Variants in AIDA observed in about 807,000 individuals in gnomAD.
AIDA encodes the protein axin interactor, dorsalization-associated protein.
In AIDA, 18 loss-of-function variants were observed where a neutral mutation model predicts 42.7. The observed-to-expected ratio is 0.42, with a 90% CI of 0.29 to 0.63. The LOEUF is 0.63. Ranked by LOEUF, AIDA falls within the 20% of genes least tolerant of loss-of-function variation. The probability of loss-of-function intolerance (pLI) is 0.19; values close to 1 mark genes in which losing one functional copy is unlikely to be tolerated. For synonymous variants in AIDA, 104 were observed against 122.9 expected (o/e 0.85, Z 1.02); for missense variants, 250 against 354.1 (o/e 0.71, Z 2.36).
At position 222,701,697 on chromosome 1, in the gene AIDA, G is replaced by GA. The variant is rs201712880; in HGVS notation, c.180+1450dup. ...TATTGTGTATATTAGGAGCTACTAA[G>GA]AAAAAAAAATATTCTTTTTTTAAAA... On this transcript the variant is annotated intron_variant, in intron 2 of 9. Transcript: ENST00000340020. Among the ~76,000 whole-genome samples the GA allele has an allele frequency of 1.7e-4, 25 of 151,200 alleles. No homozygotes were observed. The East Asian group carries it at 2.7e-3, about 16-fold the overall frequency.
intron 6 of AIDA, among the ~76,000 whole-genome samples, chr1:222,683,403 C>T (rs1664687451): frequency 6.6e-6 from 1 of 152,172 alleles, no homozygotes; most frequent in Non-Finnish European, 1.5e-5. Flanking sequence ...GCTTTCTTAT[C>T]TTTCAAGTTC....
chr1:222,698,382 TTAAA>T (rs1171023458), intron 2 of AIDA, among the ~76,000 whole-genome samples: 2 of 152,064 alleles, frequency 1.3e-5, no homozygotes, highest in Non-Finnish European at 2.9e-5. Context: ...ATTAATCGTC[TTAAA>T]TAACAATCAT....
In AIDA at chr1:222,700,754, C is replaced by CAA. The variant is rs35219178; in HGVS notation, c.180+2392_180+2393dup. On this transcript the variant is annotated intron_variant, in intron 2 of 9. Transcript: ENST00000340020. ...TGGGTGACAGAGCAAGACTCCGTCT[C>CAA]AAAAAAAAAAAAAAAGATCTGCGGG... Among the ~76,000 whole-genome samples, 169 of 94,282 alleles carry CAA rather than the reference C, an allele frequency of 1.8e-3. 4 individuals carry two copies. The South Asian group carries it at 0.024, about 14-fold the overall frequency. The allele number at this position is 94,282 out of a possible 152,430, so 61.9% of individuals were successfully genotyped here.
chr1:222,694,968 G>A (rs1032294081), intron 2 of AIDA, among the ~76,000 whole-genome samples: 2 of 152,160 alleles, frequency 1.3e-5, no homozygotes, highest in African/African-American at 2.4e-5. Context: ...AAGCCCCAAC[G>A]ACCAGGAGGA....
Position 222,694,281 on chromosome 1 carries a change from A to G in AIDA, c.181-18T>C. On this transcript the variant is annotated intron_variant, in intron 2 of 9. Transcript: ENST00000340020. ...ATGGTTTTCTGCAGGGGAATAAAAAAAGCTATAAATACCAGAATTATCATA... is the reference window on the plus strand; with the variant it reads ...ATGGTTTTCTGCAGGGGAATAAAAAGAGCTATAAATACCAGAATTATCATA... 1 of 1,603,944 alleles carries G rather than the reference A, an allele frequency of 6.2e-7. No homozygotes were observed. Among genetic ancestry groups the G allele is most frequent in the Non-Finnish European group, 8.5e-7 (1 of 1,175,432 alleles).
chr1:222,693,678 T>C (rs972517939), intron 4 of AIDA, 111 bp downstream of exon 4: 1 of 879,416 alleles, frequency 1.1e-6, no homozygotes, highest in African/African-American at 1.7e-5. Context: ...CACATAGGAC[T>C]AGATATTAAC....
chr1:222,676,764 T>C, intron 6 of AIDA, among the ~76,000 whole-genome samples: 1 of 151,968 alleles, frequency 6.6e-6, no homozygotes, highest in East Asian at 1.9e-4. Flanking sequence ...CAAGCGATCC[T>C]CCCACCTCAG....
chr1:222,679,329 A>G (rs2124951752), intron 6 of AIDA, among the ~76,000 whole-genome samples: 1 of 147,586 alleles, frequency 6.8e-6, no homozygotes, highest in South Asian at 2.1e-4. Context: ...AAGTAACTAC[A>G]TTTATAAAAC....
intron 7 of AIDA, among the ~76,000 whole-genome samples, chr1:222,674,150 C>G (rs1425302620): frequency 6.6e-6 from 1 of 152,082 alleles, no homozygotes; most frequent in Non-Finnish European, 1.5e-5. Context: ...CATAAGGATG[C>G]TTGCAGAAAG....
chr1:222,700,970 T>TG (rs1241540984), intron 2 of AIDA, among the ~76,000 whole-genome samples: 218 of 68,174 alleles, frequency 3.2e-3, no homozygotes, highest in African/African-American at 0.015. Context: ...TTGATTTTTT[T>TG]TGGGGGGGGG....
intron 7 of AIDA, 43 bp from the exon 8 acceptor site, chr1:222,673,478 C>G: frequency 1.3e-6 from 2 of 1,500,446 alleles, no homozygotes; most frequent in African/African-American, 1.4e-5. Context: ...TTCAAATATA[C>G]AGACTTAAAA....
chr1:222,704,673 C>A (rs746728346), intron 1 of AIDA, among the ~76,000 whole-genome samples: 8 of 151,568 alleles, frequency 5.3e-5, no homozygotes, highest in Non-Finnish European at 1.2e-4. Flanking sequence ...TAACTGATAC[C>A]AAGTATGGGG....
intron 8 of AIDA, among the ~76,000 whole-genome samples, chr1:222,671,683 G>A (rs1206292893): frequency 1.3e-5 from 2 of 152,194 alleles, no homozygotes; most frequent in South Asian, 2.1e-4. Flanking sequence ...CAACACGCTC[G>A]AAAGGATTAC....
chr1:222,712,422 A>G lies in AIDA; in HGVS notation c.-105T>C. Reference sequence around the variant, plus strand: ...CCCGACATTAACAGGGCCAGGAGGAACCGCTACGGCCACCACCGCCACCCG... The same window carrying G: ...CCCGACATTAACAGGGCCAGGAGGAGCCGCTACGGCCACCACCGCCACCCG... On this transcript the variant is annotated 5_prime_UTR_variant, in exon 1 of 10. Coordinates refer to ENST00000340020, the MANE Select transcript of AIDA (RefSeq NM_022831.4). The G allele has an allele frequency of 6.9e-7, 1 of 1,442,762 alleles. No individual in the cohort carries two copies. Among genetic ancestry groups the G allele is most frequent in the East Asian group, 2.6e-5 (1 of 38,940 alleles). 89.4% of individuals were successfully genotyped at this position (1,442,762 alleles called of 1,614,324 possible).
chr1:222,706,725 C>T (rs919455661), intron 1 of AIDA, among the ~76,000 whole-genome samples: 1 of 151,948 alleles, frequency 6.6e-6, no homozygotes, highest in East Asian at 1.9e-4. Flanking sequence ...CAAAAATTAG[C>T]CAGGCGTGGT....
chr1:222,703,714 A>G lies in AIDA; in HGVS notation c.111-497T>C, dbSNP rs79809717. Among the ~76,000 whole-genome samples the G allele has an allele frequency of 8.6e-4, 131 of 152,342 alleles. 1 individual carries two copies. The East Asian group carries it at 0.02, about 24-fold the overall frequency. On this transcript the variant is annotated intron_variant, in intron 1 of 9. Transcript: ENST00000340020. ...ACTATCAATATATACTTTTGAAAAC[A>G]TGTTTTCATGGAAAATAAAGCAAAT...
At chr1:222,679,624 T>A (rs1429043339) in intron 6 of AIDA, among the ~76,000 whole-genome samples, 1 of 152,212 alleles carries the variant, frequency 6.6e-6, no homozygotes, top group Non-Finnish European at 1.5e-5. Flanking sequence ...TCCCATTTTT[T>A]CAGAAGTGAA....
At chr1:222,710,995 T>TA (rs1221657789) in intron 1 of AIDA, among the ~76,000 whole-genome samples, 1 of 142,192 alleles carries the variant, frequency 7.0e-6, no homozygotes, top group Non-Finnish European at 1.5e-5. Flanking sequence ...TCTTAATAGA[T>TA]AAAAACAAAT....
At chr1:222,691,672 T>C (rs1050831023) in intron 4 of AIDA, among the ~76,000 whole-genome samples, 6 of 152,074 alleles carry the variant, frequency 3.9e-5, no homozygotes, top group African/African-American at 1.4e-4. Flanking sequence ...TCAATAAATA[T>C]CAATTAATCA....
Sources: allele counts gnomAD v4.1 joint callset (sites outside exome capture counted in the v4.1 genomes callset), GRCh38; gene constraint gnomAD v4.1.1; transcripts MANE v1.5; gene names NCBI Gene and HGNC (gene_info 2026-07-23, HGNC 2026-07-21).